Variants in CCBE1 observed in about 807,000 individuals in gnomAD.
The protein encoded by CCBE1 is collagen and calcium-binding EGF domain-containing protein 1.
A neutral mutation model predicts 50.0 loss-of-function variants in CCBE1; 37 were observed. The ratio of observed to expected loss-of-function variants is 0.74; its 90% confidence interval spans 0.57 to 0.97. The LOEUF is 0.97. Among genes scored for constraint, CCBE1 ranks in the 50% least tolerant of loss-of-function variants. The probability of loss-of-function intolerance (pLI) is 0.00; values close to 1 mark genes in which losing one functional copy is unlikely to be tolerated. For missense variants in CCBE1, 538 were observed against 523.8 expected, an observed-to-expected ratio of 1.03 and a Z score of -0.26; for synonymous variants, 234 against 203.7, an observed-to-expected ratio of 1.15 and a Z score of -1.27.
At chr18:59,524,385 TTTG>T (rs1427456819) in intron 2 of CCBE1, among the ~76,000 whole-genome samples, 1 of 152,190 alleles carries the variant, frequency 6.6e-6, no homozygotes. Context: ...TATTTTGCAC[TTTG>T]TTTTGTGAAA....
intron 9 of CCBE1, among the ~76,000 whole-genome samples, chr18:59,438,374 C>G (rs184918246): frequency 6.6e-6 from 1 of 152,330 alleles, no homozygotes; most frequent in Admixed American, 6.5e-5. Context: ...ATTTTCAAAC[C>G]TTCTTGGCAA....
intron 2 of CCBE1, among the ~76,000 whole-genome samples, chr18:59,538,065 C>T (rs1260148316): frequency 6.6e-6 from 1 of 152,192 alleles, no homozygotes; most frequent in Non-Finnish European, 1.5e-5. Context: ...TTAAGCAAAA[C>T]AGCTTGTCAC....
intron 2 of CCBE1, among the ~76,000 whole-genome samples, chr18:59,505,813 TA>T (rs1568176208): frequency 1.3e-5 from 2 of 152,172 alleles, no homozygotes; most frequent in East Asian, 1.9e-4. Flanking sequence ...CAGGTTTGTA[TA>T]GGGGGTAAGA....
At chr18:59,629,800 G>T (rs1410743134) in intron 2 of CCBE1, among the ~76,000 whole-genome samples, 2 of 152,190 alleles carry the variant, frequency 1.3e-5, no homozygotes, top group Non-Finnish European at 2.9e-5. Context: ...TCAACAGCTT[G>T]TCGGGGGAAG....
rs576697236 is a variant in CCBE1 at position 59,612,826 on chromosome 18, G to GT, written c.212+83802dup. 4.1e-3 allele frequency among the ~76,000 whole-genome samples: 465 copies of GT among 112,298 alleles called. 17 individuals carry two copies. The East Asian group carries it at 0.058, about 14-fold the overall frequency. The allele number at this position is 112,298 out of a possible 152,430, so 73.7% of individuals were successfully genotyped here. On this transcript the variant is annotated intron_variant, in intron 2 of 10. Coordinates refer to ENST00000439986, the MANE Select transcript of CCBE1 (RefSeq NM_133459.4). Reference sequence around the variant, plus strand: ...AGCCAATCTCAAGGGTTTTTTTTTTGTTTTTTTTTGTTTTTGTTTTTGTTT... The same window carrying GT: ...AGCCAATCTCAAGGGTTTTTTTTTTGTTTTTTTTTTGTTTTTGTTTTTGTTT...
At chr18:59,650,766 G>T (rs1599101468) in intron 2 of CCBE1, among the ~76,000 whole-genome samples, 1 of 151,158 alleles carries the variant, frequency 6.6e-6, no homozygotes, top group Admixed American at 6.6e-5. Flanking sequence ...ATGTTGTACT[G>T]GAGAACAAGC....
chr18:59,697,481 G>A, upstream of CCBE1: 1 of 1,138,890 alleles, frequency 8.8e-7, no homozygotes, highest in South Asian at 1.6e-5. Flanking sequence ...TGCACGGGGA[G>A]CAGGGGTCCG....
intron 2 of CCBE1, among the ~76,000 whole-genome samples, chr18:59,658,407 ATATATAT>A (rs1169057993): frequency 7.9e-5 from 5 of 63,472 alleles, no homozygotes; most frequent in African/African-American, 1.8e-4. Flanking sequence ...ATATATATAT[ATATATAT>A]ATAAAGTTAG....
intron 7 of CCBE1, 121 bp from the exon 8 acceptor site, chr18:59,439,937 G>GAAGGCAA: frequency 9.6e-7 from 1 of 1,045,232 alleles, no homozygotes; most frequent in Non-Finnish European, 1.4e-6. Flanking sequence ...TTTGCCTTCT[G>GAAGGCAA]ACATCTCCAT....
At chr18:59,609,068 T>C (rs1444170198) in intron 2 of CCBE1, among the ~76,000 whole-genome samples, 3 of 152,320 alleles carry the variant, frequency 2.0e-5, no homozygotes, top group East Asian at 1.9e-4. Context: ...AACTCCTCCT[T>C]CTTGAAACTT....
chr18:59,491,973 C>G (rs1386277251), intron 2 of CCBE1, among the ~76,000 whole-genome samples: 1 of 151,556 alleles, frequency 6.6e-6, no homozygotes, highest in African/African-American at 2.4e-5. Flanking sequence ...CGGTGAAACC[C>G]TGTCTCTACT....
intron 7 of CCBE1, 72 bp downstream of exon 7, chr18:59,447,911 C>T: frequency 1.9e-6 from 3 of 1,608,122 alleles, no homozygotes; most frequent in Non-Finnish European, 2.5e-6. Flanking sequence ...TTGTCCAGGC[C>T]CCAGCAAATG....
chr18:59,488,196 A>T (rs671598), intron 2 of CCBE1, among the ~76,000 whole-genome samples: 40,161 of 152,062 alleles, frequency 0.26, 5,634 homozygotes, highest in African/African-American at 0.31. Context: ...AGACGGAGTT[A>T]GTAGGAAGTT....
intron 2 of CCBE1, among the ~76,000 whole-genome samples, chr18:59,582,165 A>G (rs562813430): frequency 6.6e-6 from 1 of 152,292 alleles, no homozygotes; most frequent in African/African-American, 2.4e-5. Context: ...TCACCAGGCT[A>G]AATCCTACCC....
chr18:59,538,686 C>T (rs946633380), intron 2 of CCBE1, among the ~76,000 whole-genome samples: 13 of 152,100 alleles, frequency 8.5e-5, no homozygotes, highest in African/African-American at 2.2e-4. Flanking sequence ...ATGCTGGTGA[C>T]ATTTATAGGC....
chr18:59,442,152 C>T (rs1468254181), intron 7 of CCBE1, among the ~76,000 whole-genome samples: 2 of 152,142 alleles, frequency 1.3e-5, no homozygotes, highest in African/African-American at 2.4e-5. Context: ...ACATCTCCCC[C>T]GTCGTACCAA....
At chr18:59,574,176 A>G (rs1027672132) in intron 2 of CCBE1, among the ~76,000 whole-genome samples, 2 of 148,700 alleles carry the variant, frequency 1.3e-5, no homozygotes, top group African/African-American at 5.3e-5. Flanking sequence ...TGATCTGATT[A>G]TAATAATGTT....
At chr18:59,556,092 C>T (rs1187075835) in intron 2 of CCBE1, among the ~76,000 whole-genome samples, 1 of 152,172 alleles carries the variant, frequency 6.6e-6, no homozygotes, top group African/African-American at 2.4e-5. Context: ...CTTAACGGGG[C>T]CCAGGACCTC....
Position 59,448,123 on chromosome 18 carries a change from C to T in CCBE1, c.655-20G>A. 2 of 1,613,376 alleles carry T rather than the reference C, an allele frequency of 1.2e-6. No individual in the cohort carries two copies. The highest frequency in any genetic ancestry group is 1.7e-6 in the Non-Finnish European group (2 of 1,179,944). On this transcript the variant is annotated intron_variant, in intron 6 of 10. Transcript: ENST00000439986. ...AGCAATCTGCAAGGAGAAGAGGAAG[C>T]CTCAGTCAGGAAGCAATGGCAGAAG...
Sources: allele counts gnomAD v4.1 joint callset (sites outside exome capture counted in the v4.1 genomes callset), GRCh38; gene constraint gnomAD v4.1.1; transcripts MANE v1.5; gene names NCBI Gene and HGNC (gene_info 2026-07-23, HGNC 2026-07-21).